SYCP2: variants seen among roughly 807,000 people sequenced by gnomAD.
SYCP2 encodes synaptonemal complex protein 2.
In SYCP2, 55 loss-of-function variants were observed where a neutral mutation model predicts 211.3. The ratio of observed to expected loss-of-function variants is 0.26; its 90% confidence interval spans 0.21 to 0.33. The LOEUF (loss-of-function observed/expected upper bound fraction) is 0.33. Ranked by LOEUF, SYCP2 falls within the 10% of genes least tolerant of loss-of-function variation. The pLI, the probability that SYCP2 is intolerant of heterozygous loss-of-function variation, is 1.00. For missense variants in SYCP2, 1,731 were observed against 1,752.0 expected (o/e 0.99, Z 0.21); for synonymous variants, 570 against 555.2 (o/e 1.03, Z -0.37).
intron 2 of SYCP2, among the ~76,000 whole-genome samples, chr20:59,922,834 G>C (rs2060566486): frequency 2.0e-5 from 3 of 151,716 alleles, no homozygotes; most frequent in African/African-American, 7.2e-5. Flanking sequence ...ATGTGCAAAT[G>C]AAATTTGGGC....
intron 24 of SYCP2, among the ~76,000 whole-genome samples, chr20:59,887,160 C>T (rs888674230): frequency 5.3e-5 from 8 of 151,690 alleles, no homozygotes; most frequent in African/African-American, 1.5e-4. Flanking sequence ...CCTTCCCCTA[C>T]CCCACGACAG....
In SYCP2 at chr20:59,869,943, C is replaced by G. The variant is rs770240988; in HGVS notation, c.3596G>C (p.Arg1199Thr). ...AAGTACCAGAGAACTTATTTTTTTT[C>G]TATTTACAATAGTATTACTCTTAGT... ...TPTKSNTIVN[R>T]KKISSLVLTQ... is the part of the protein sequence containing the mutation. Residue 1199 changes from arginine to threonine, a missense_variant, in exon 36 of 45, where the codon AGA (arginine) becomes ACA (threonine). Around this residue, in one of 3 missense-constraint regions of SYCP2, gnomAD observed 1,387 missense variants for 1,351.3 expected, o/e 1.03. Coordinates refer to ENST00000357552, the MANE Select transcript of SYCP2 (RefSeq NM_014258.4). The G allele has an allele frequency of 6.2e-7, 1 of 1,602,572 alleles. No homozygotes were observed. The highest frequency in any genetic ancestry group is 1.7e-5 in the Admixed American group (1 of 59,478).
At chr20:59,919,734 C>G (rs112487127) in intron 5 of SYCP2, 137 bp from the exon 6 acceptor site, 2 of 502,106 alleles carry the variant, frequency 4.0e-6, no homozygotes, top group African/African-American at 2.0e-5. Context: ...AAAATAAATT[C>G]ATGTTTTTAA....
intron 15 of SYCP2, among the ~76,000 whole-genome samples, chr20:59,905,340 T>C (rs2060194120): frequency 6.6e-6 from 1 of 152,160 alleles, no homozygotes; most frequent in Non-Finnish European, 1.5e-5. Context: ...TCATAATAGC[T>C]AAAAACTGGG....
At chr20:59,903,805 T>C (rs2060162604) in intron 15 of SYCP2, among the ~76,000 whole-genome samples, 1 of 152,152 alleles carries the variant, frequency 6.6e-6, no homozygotes, top group Non-Finnish European at 1.5e-5. Flanking sequence ...GGATGGCAAC[T>C]ATGGACATGG....
chr20:59,892,605 T>C lies in SYCP2; in HGVS notation c.1890A>G (p.Gln630=). The change falls in exon 23 of 45, where the codon CAA becomes CAG. Residue 630 remains glutamine (Q), a synonymous_variant. Transcript: ENST00000357552. ...PVTNIELCNN[Q]RASTSSGDTL... ...TGTCTCCTGACGAAGTACTTGCTCT[T>C]TGGTTATTACATAGTTCAATGTTTG... 2 of 1,609,496 alleles carry C rather than the reference T, an allele frequency of 1.2e-6. No individual in the cohort carries two copies. The highest frequency in any genetic ancestry group is 2.2e-5 in the South Asian group (2 of 90,254).
chr20:59,932,937 G>T (rs1268843789), intron 1 of SYCP2, among the ~76,000 whole-genome samples: 1 of 152,074 alleles, frequency 6.6e-6, no homozygotes, highest in Admixed American at 6.5e-5. Flanking sequence ...TCCCTAAGTG[G>T]AACCGGCAGT....
At chr20:59,916,427 CTATT>C in intron 8 of SYCP2, 55 bp downstream of exon 8, 1 of 935,472 alleles carries the variant, frequency 1.1e-6, no homozygotes, top group Non-Finnish European at 1.7e-6. Context: ...AATTTAATTG[CTATT>C]GATTTTCTTC....
At chr20:59,881,643 T>C in intron 28 of SYCP2, 151 bp from the exon 29 acceptor site, 1 of 499,768 alleles carries the variant, frequency 2.0e-6, no homozygotes, top group Non-Finnish European at 3.5e-6. Flanking sequence ...GAAAAGAAAA[T>C]ACAATACACT....
intron 8 of SYCP2, 35 bp from the exon 9 acceptor site, chr20:59,915,585 C>T (rs1410476078): frequency 2.4e-6 from 3 of 1,259,410 alleles, no homozygotes; most frequent in South Asian, 2.4e-5. Flanking sequence ...ATTAACTTTA[C>T]ATTCAGTGAA....
In SYCP2 at chr20:59,864,317, A is replaced by C. The variant is rs2059287001; in HGVS notation, c.4587T>G (p.Asn1529Lys). The change falls in exon 45 of 45, where the codon AAT becomes AAG. Residue 1529 changes from asparagine to lysine, a missense_variant. Asn to Lys is a moderately conservative substitution (Grantham distance 94). Coordinates refer to ENST00000357552, the MANE Select transcript of SYCP2 (RefSeq NM_014258.4). Reference sequence around the variant, plus strand: ...TGGTGATAAAAACTAGATTTCACACATTAGCATTTCTTTCATGAGACATGA... The same window carrying C: ...TGGTGATAAAAACTAGATTTCACACCTTAGCATTTCTTTCATGAGACATGA... ...SVFMSHERNA[N>K]V 6.3e-7 allele frequency: 1 copy of C among 1,598,298 alleles called. No individual in the cohort carries two copies. Among genetic ancestry groups the C allele is most frequent in the African/African-American group, 1.3e-5 (1 of 74,222 alleles).
intron 2 of SYCP2, among the ~76,000 whole-genome samples, chr20:59,927,421 A>G (rs1844617591): frequency 1.3e-5 from 2 of 152,102 alleles, no homozygotes; most frequent in African/African-American, 4.8e-5. Context: ...ATAATTTGGA[A>G]TGGGAAGTAA....
intron 16 of SYCP2, among the ~76,000 whole-genome samples, chr20:59,901,063 T>C (rs547875073): frequency 5.4e-4 from 82 of 152,212 alleles, no homozygotes; most frequent in South Asian, 2.3e-3. Context: ...TCTAATATTA[T>C]GCAACATAAA....
At chr20:59,897,291 GAAAGGATAAGATA>G (rs1258118801) in intron 18 of SYCP2, among the ~76,000 whole-genome samples, 1 of 152,080 alleles carries the variant, frequency 6.6e-6, no homozygotes, top group African/African-American at 2.4e-5. Context: ...GGGAAGGATG[GAAAGGATAAGATA>G]AAAGAAAATT....
intron 33 of SYCP2, 107 bp from the exon 34 acceptor site, chr20:59,875,576 A>G: frequency 1.2e-6 from 1 of 803,570 alleles, no homozygotes; most frequent in Non-Finnish European, 1.9e-6. Flanking sequence ...ATATTACCAC[A>G]TACAGGCATA....
intron 43 of SYCP2, 24 bp downstream of exon 43, chr20:59,865,549 C>T (rs1161471292): frequency 6.3e-7 from 1 of 1,580,966 alleles, no homozygotes; most frequent in Non-Finnish European, 8.6e-7. Flanking sequence ...GAGAGGTAAC[C>T]TATAAAAAGC....
At chr20:59,916,071 A>G (rs1386186540) in intron 8 of SYCP2, among the ~76,000 whole-genome samples, 1 of 152,172 alleles carries the variant, frequency 6.6e-6, no homozygotes, top group Non-Finnish European at 1.5e-5. Context: ...AGAATATAAC[A>G]TGACTCCGAT....
At chr20:59,926,663 C>T (rs150403639) in intron 2 of SYCP2, among the ~76,000 whole-genome samples, 81 of 152,144 alleles carry the variant, frequency 5.3e-4, no homozygotes, top group African/African-American at 1.9e-3. Flanking sequence ...TAGGGGAACA[C>T]AATTCAACCC....
intron 15 of SYCP2, among the ~76,000 whole-genome samples, chr20:59,906,418 T>C (rs2060214665): frequency 6.6e-6 from 1 of 152,028 alleles, no homozygotes; most frequent in Non-Finnish European, 1.5e-5. Context: ...AGTCATGATT[T>C]TCAACAAAGA....
Sources: gnomAD v4.1 joint callset for allele counts (sites outside exome capture counted in the v4.1 genomes callset) on GRCh38, gnomAD v4.1.1 for gene constraint, gnomAD v4.1.1 regional missense constraint, MANE v1.5 for transcripts, NCBI Gene and HGNC (gene_info 2026-07-23, HGNC 2026-07-21) for gene names.